The following PTPRD variants were observed in gnomAD, a reference collection of about 807,000 sequenced individuals.
PTPRD encodes the protein receptor-type tyrosine-protein phosphatase delta.
PTPRD carries 34 observed loss-of-function variants against 214.5 expected under a neutral mutation model. The ratio of observed to expected loss-of-function variants is 0.16; its 90% CI spans 0.12 to 0.21. The LOEUF is 0.21. PTPRD is among the 10% of genes least tolerant of loss of function. PTPRD has a pLI of 1.00. For missense variants in PTPRD, 2,545 were observed against 2,398.7 expected, an observed-to-expected ratio of 1.06 and a Z score of -1.27; for synonymous variants, 1,128 against 845.7, an observed-to-expected ratio of 1.33 and a Z score of -5.79.
At chr9:9,188,662 G>A (rs1278086662) in intron 9 of PTPRD, among the ~76,000 whole-genome samples, 2 of 152,004 alleles carry the variant, frequency 1.3e-5, no homozygotes, top group Non-Finnish European at 2.9e-5. Flanking sequence ...GCCATGAGTG[G>A]TAAAGACTCT....
intron 35 of PTPRD, among the ~76,000 whole-genome samples, chr9:8,421,154 C>G (rs539203898): frequency 6.6e-6 from 1 of 152,110 alleles, no homozygotes; most frequent in Non-Finnish European, 1.5e-5. Flanking sequence ...TGATATCTCT[C>G]TATATATCAT....
chr9:9,489,400 C>A (rs2095804794), intron 8 of PTPRD, among the ~76,000 whole-genome samples: 1 of 151,962 alleles, frequency 6.6e-6, no homozygotes, highest in Non-Finnish European at 1.5e-5. Context: ...AACAAAGGGA[C>A]CATTCAAAAG....
intron 10 of PTPRD, among the ~76,000 whole-genome samples, chr9:9,078,545 C>T (rs1469456131): frequency 6.6e-6 from 1 of 152,054 alleles, no homozygotes; most frequent in Non-Finnish European, 1.5e-5. Context: ...AAATACTTGG[C>T]TCATGTTCCA....
chr9:9,000,395 G>A (rs750431636), intron 11 of PTPRD, among the ~76,000 whole-genome samples: 2 of 152,024 alleles, frequency 1.3e-5, no homozygotes, highest in African/African-American at 2.4e-5. Flanking sequence ...GCAGGTAAGA[G>A]TAAAGAGAGA....
chr9:8,963,995 G>A (rs1401595795), intron 11 of PTPRD, among the ~76,000 whole-genome samples: 4 of 151,932 alleles, frequency 2.6e-5, no homozygotes, highest in Admixed American at 2.6e-4. Flanking sequence ...TATCAGGGAT[G>A]TTGGCCTGTA....
chr9:8,700,337 A>T (rs1283031230), intron 12 of PTPRD, among the ~76,000 whole-genome samples: 4 of 152,230 alleles, frequency 2.6e-5, no homozygotes, highest in Non-Finnish European at 5.9e-5. Flanking sequence ...AAAGGAATCA[A>T]AACAGCTTTT....
chr9:9,897,198 T>C (rs999311589), intron 5 of PTPRD, among the ~76,000 whole-genome samples: 1 of 151,536 alleles, frequency 6.6e-6, no homozygotes, highest in Non-Finnish European at 1.5e-5. Flanking sequence ...GTAAAGGTAA[T>C]GCCTAATGCC....
At position 9,381,905 on chromosome 9, in the gene PTPRD, TA is replaced by T. The variant is rs35036506; in HGVS notation, c.-203+15543del. On this transcript the variant is annotated intron_variant, in intron 9 of 45. Coordinates refer to ENST00000381196, the MANE Select transcript of PTPRD (RefSeq NM_002839.4). ...TTTAGTATTGTTTTGACTATTTCTG[TA>T]AAAAAAAAAAAATCATTGGGGTTTT... is the stretch of plus-strand genomic sequence containing the variant. 2.1e-3 allele frequency among the ~76,000 whole-genome samples: 311 copies of T among 145,810 alleles called. 1 individual carries two copies. Among genetic ancestry groups the T allele is most frequent in the Non-Finnish European group, 2.5e-3 (163 of 66,064 alleles).
intron 12 of PTPRD, among the ~76,000 whole-genome samples, chr9:8,688,520 G>A (rs539186285): frequency 1.1e-4 from 16 of 148,248 alleles, no homozygotes; most frequent in Admixed American, 4.1e-4. Context: ...AGCCGAGATC[G>A]CACCACTGCG....
At chr9:9,180,475 A>C (rs549441647) in intron 10 of PTPRD, among the ~76,000 whole-genome samples, 2 of 149,452 alleles carry the variant, frequency 1.3e-5, no homozygotes, top group African/African-American at 4.9e-5. Flanking sequence ...GAGGGATAGC[A>C]TTAGGAGATA....
intron 9 of PTPRD, among the ~76,000 whole-genome samples, chr9:9,363,675 G>A (rs2056986344): frequency 6.6e-6 from 1 of 151,168 alleles, no homozygotes; most frequent in Non-Finnish European, 1.5e-5. Flanking sequence ...TGTGGGGCCT[G>A]AAGCTCAAAT....
intron 11 of PTPRD, among the ~76,000 whole-genome samples, chr9:8,750,335 T>A (rs1021074725): frequency 6.6e-6 from 1 of 151,842 alleles, no homozygotes; most frequent in Non-Finnish European, 1.5e-5. Context: ...TTTTTGTATT[T>A]TTAGTAGCGA....
At chr9:9,351,776 G>A (rs1005538527) in intron 9 of PTPRD, among the ~76,000 whole-genome samples, 1 of 152,004 alleles carries the variant, frequency 6.6e-6, no homozygotes, top group Non-Finnish European at 1.5e-5. Context: ...GTAGGCTATG[G>A]ATTTGGTCAG....
At chr9:9,264,183 C>T (rs1330685842) in intron 9 of PTPRD, among the ~76,000 whole-genome samples, 1 of 151,572 alleles carries the variant, frequency 6.6e-6, no homozygotes, top group African/African-American at 2.4e-5. Flanking sequence ...CAAAGGTACA[C>T]AATAATATTT....
chr9:8,393,933 T>C (rs914210837), intron 36 of PTPRD, among the ~76,000 whole-genome samples: 30 of 152,140 alleles, frequency 2.0e-4, no homozygotes, highest in Admixed American at 1.3e-3. Context: ...TAACTAAACC[T>C]GGCTGTTAAT....
chr9:8,400,632 C>G (rs777223309), intron 36 of PTPRD, among the ~76,000 whole-genome samples: 1 of 152,114 alleles, frequency 6.6e-6, no homozygotes, highest in Non-Finnish European at 1.5e-5. Context: ...CATCCTGCAC[C>G]GGTAGGAAAG....
chr9:9,545,129 A>C (rs1254693484), intron 8 of PTPRD, among the ~76,000 whole-genome samples: 1 of 151,706 alleles, frequency 6.6e-6, no homozygotes, highest in Non-Finnish European at 1.5e-5. Flanking sequence ...AAATTGCTGA[A>C]CCTATGTTAA....
chr9:9,032,415 T>A (rs974948213), intron 10 of PTPRD, among the ~76,000 whole-genome samples: 5 of 152,056 alleles, frequency 3.3e-5, no homozygotes. Context: ...AAGAGTATTA[T>A]ACAAAAACAG....
In PTPRD at chr9:9,833,690, C is replaced by CGGGG. The variant is rs1565616433; in HGVS notation, c.-367-66840_-367-66839insCCCC. On this transcript the variant is annotated intron_variant, in intron 5 of 45. Coordinates refer to ENST00000381196, the MANE Select transcript of PTPRD (RefSeq NM_002839.4). ...GACAGGTACGCTCCGGAGAGGGGGGCAGTTCAGAGACCTACCCCTAGGTGC... is the reference window on the plus strand; with the variant it reads ...GACAGGTACGCTCCGGAGAGGGGGGCGGGGAGTTCAGAGACCTACCCCTAGGTGC... Among the ~76,000 whole-genome samples, 19 of 132,812 alleles carry CGGGG rather than the reference C, an allele frequency of 1.4e-4. 2 individuals carry two copies. The highest frequency in any genetic ancestry group is 7.6e-4 in the South Asian group (3 of 3,946). The allele number at this position is 132,812 out of a possible 152,430, so 87.1% of individuals were successfully genotyped here. A position where few individuals can be genotyped will look rare whatever the true frequency, so the allele number is the denominator to read the frequency against.
Sources: gnomAD v4.1 joint callset for allele counts (sites outside exome capture counted in the v4.1 genomes callset) on GRCh38, gnomAD v4.1.1 for gene constraint, MANE v1.5 for transcripts, NCBI Gene and HGNC (gene_info 2026-07-23, HGNC 2026-07-21) for gene names.